SYK: variants seen among roughly 807,000 people sequenced by gnomAD.
The protein encoded by SYK is tyrosine-protein kinase SYK.
SYK carries 16 observed loss-of-function variants against 77.8 expected under a neutral mutation model. The ratio of observed to expected loss-of-function variants is 0.21; its 90% CI spans 0.14 to 0.31. The LOEUF (loss-of-function observed/expected upper bound fraction) is 0.31. SYK is among the 10% of genes least tolerant of loss of function. The pLI is 1.00. For missense variants in SYK, 529 were observed against 814.4 expected (o/e 0.65, Z 4.26); for synonymous variants, 312 against 308.7 (o/e 1.01, Z -0.11).
At chr9:90,807,528 G>C (rs4002565) in intron 1 of SYK, among the ~76,000 whole-genome samples, 1 of 151,782 alleles carries the variant, frequency 6.6e-6, no homozygotes, top group African/African-American at 2.4e-5. Flanking sequence ...TGCAGTGCTC[G>C]GTACCTGGTA....
intron 1 of SYK, among the ~76,000 whole-genome samples, chr9:90,820,009 T>C (rs999381748): frequency 6.6e-6 from 1 of 152,188 alleles, no homozygotes. Context: ...CAATGCAAGC[T>C]GAAATCCAGC....
chr9:90,872,306 C>G (rs1827761465), intron 7 of SYK, among the ~76,000 whole-genome samples: 1 of 152,210 alleles, frequency 6.6e-6, no homozygotes, highest in East Asian at 1.9e-4. Context: ...CCTCTCCTCA[C>G]CAGTGATGGC....
At chr9:90,853,061 G>A (rs572266694) in intron 3 of SYK, among the ~76,000 whole-genome samples, 222 of 151,974 alleles carry the variant, frequency 1.5e-3, no homozygotes, top group Middle Eastern at 3.4e-3. Context: ...GGGCAGAGAT[G>A]GGGCTGTTGC....
intron 1 of SYK, among the ~76,000 whole-genome samples, chr9:90,823,711 A>C (rs1194130963): frequency 6.6e-6 from 1 of 152,162 alleles, no homozygotes; most frequent in Non-Finnish European, 1.5e-5. Context: ...AAAAATAAAA[A>C]TATAATTTAT....
intron 9 of SYK, among the ~76,000 whole-genome samples, chr9:90,875,123 G>T (rs905498672): frequency 6.6e-6 from 1 of 152,010 alleles, no homozygotes; most frequent in African/African-American, 2.4e-5. Context: ...CATCAAATTG[G>T]CATGGTGGCT....
intron 3 of SYK, among the ~76,000 whole-genome samples, chr9:90,851,685 C>A (rs767100422): frequency 6.6e-6 from 1 of 152,108 alleles, no homozygotes; most frequent in Non-Finnish European, 1.5e-5. Context: ...CCCCCAGAGG[C>A]CTTGTATAGC....
At chr9:90,820,473 G>A (rs898596684) in intron 1 of SYK, among the ~76,000 whole-genome samples, 5 of 152,182 alleles carry the variant, frequency 3.3e-5, no homozygotes, top group Non-Finnish European at 5.9e-5. Context: ...CTGTGCACTC[G>A]CAGGCTCAAC....
intron 6 of SYK, among the ~76,000 whole-genome samples, chr9:90,865,381 C>T (rs1373223373): frequency 6.6e-6 from 1 of 151,774 alleles, no homozygotes; most frequent in Non-Finnish European, 1.5e-5. Flanking sequence ...AATCACGGCT[C>T]ACTGCAACCT....
At chr9:90,882,497 C>T (rs989024273) in intron 11 of SYK, among the ~76,000 whole-genome samples, 1 of 152,210 alleles carries the variant, frequency 6.6e-6, no homozygotes, top group Non-Finnish European at 1.5e-5. Flanking sequence ...CTGTGTGCCC[C>T]CTGAATCCCA....
chr9:90,841,238 TTGTGTGTGTGGTGTGTTTGCAG>T (rs1564085485), intron 1 of SYK, among the ~76,000 whole-genome samples: 1 of 150,990 alleles, frequency 6.6e-6, no homozygotes, highest in African/African-American at 2.4e-5. Context: ...TGTATGTAGT[TTGTGTGTGTGGTGTGTTTGCAG>T]TGTGTGTGGG....
intron 1 of SYK, among the ~76,000 whole-genome samples, chr9:90,813,856 G>C (rs1825188553): frequency 6.6e-6 from 1 of 152,168 alleles, no homozygotes; most frequent in African/African-American, 2.4e-5. Flanking sequence ...GCTCTGCTGG[G>C]TTTAATAAGC....
At chr9:90,876,935 C>T (rs1827957355) in intron 9 of SYK, among the ~76,000 whole-genome samples, 1 of 152,208 alleles carries the variant, frequency 6.6e-6, no homozygotes, top group Admixed American at 6.5e-5. Context: ...CAAGATGTTA[C>T]AGGAATTCGT....
rs756913593 is a variant in SYK, at chr9:90,864,686, G to A, written c.796+19G>A. 6 of 1,606,422 alleles carry A rather than the reference G, an allele frequency of 3.7e-6. No homozygotes were observed. The South Asian group carries it at 5.5e-5, about 15-fold the overall frequency. On this transcript the variant is annotated intron_variant, in intron 5 of 13. Transcript: ENST00000375754. ...ACACAGGGTGAGTTCCCAAGACACT[G>A]GAGTCTCAGTGTTTGAGGTATCAGT...
intron 3 of SYK, 57 bp from the exon 4 acceptor site, chr9:90,862,149 G>T: frequency 6.5e-7 from 1 of 1,539,712 alleles, no homozygotes; most frequent in Non-Finnish European, 8.8e-7. Flanking sequence ...TTCCTCCCAG[G>T]GTCCCACCTG....
chr9:90,870,633 G>C (rs1827693145), intron 7 of SYK, among the ~76,000 whole-genome samples: 1 of 152,152 alleles, frequency 6.6e-6, no homozygotes, highest in African/African-American at 2.4e-5. Flanking sequence ...TAATTGCAGA[G>C]GTCAAGTGTT....
rs1826490290 is a variant in SYK at position 90,844,233 on chromosome 9, G to C, written c.335G>C (p.Gly112Ala). ...AAGAAGCCCTTCAACCGGCCCCAAGGGGTGCAGCCCAAGACTGGGCCCTTT... is the reference window on the plus strand; with the variant it reads ...AAGAAGCCCTTCAACCGGCCCCAAGCGGTGCAGCCCAAGACTGGGCCCTTT... Reference protein sequence around the residue: ...LLKKPFNRPQGVQPKTGPFED... With the variant: ...LLKKPFNRPQAVQPKTGPFED... Residue 112 changes from glycine (G) to alanine (A), a missense_variant, in exon 2 of 14, where the codon GGG becomes GCG. Physicochemically the swap from Gly to Ala is moderately conservative, Grantham distance 60. Transcript: ENST00000375754. 2 of 1,614,198 alleles carry C rather than the reference G, an allele frequency of 1.2e-6. No individual in the cohort carries two copies. Among genetic ancestry groups the C allele is most frequent in the East Asian group, 4.5e-5 (2 of 44,876 alleles).
chr9:90,877,844 T>A, intron 10 of SYK, 64 bp downstream of exon 10: 1 of 1,573,172 alleles, frequency 6.4e-7, no homozygotes, highest in East Asian at 2.2e-5. Context: ...CACCCCTGGA[T>A]GGGCCGAGCA....
chr9:90,835,636 G>A (rs1307816948), intron 1 of SYK, among the ~76,000 whole-genome samples: 1 of 152,182 alleles, frequency 6.6e-6, no homozygotes, highest in Admixed American at 6.5e-5. Context: ...AGATAAGAAA[G>A]TGTTTTCCAA....
intron 11 of SYK, among the ~76,000 whole-genome samples, chr9:90,886,316 GC>G (rs1828574202): frequency 6.6e-6 from 1 of 152,166 alleles, no homozygotes; most frequent in Non-Finnish European, 1.5e-5. Flanking sequence ...TTAAAAAAAT[GC>G]TTTGCAGATG....
Sources: gnomAD v4.1 joint callset for allele counts (sites outside exome capture counted in the v4.1 genomes callset) on GRCh38, gnomAD v4.1.1 for gene constraint, MANE v1.5 for transcripts, NCBI Gene and HGNC (gene_info 2026-07-23, HGNC 2026-07-21) for gene names.